Variants in PCDHA8 observed in about 807,000 individuals in gnomAD.
The protein encoded by PCDHA8 is protocadherin alpha 8.
Under a neutral mutation model 61.8 loss-of-function variants are expected in PCDHA8, and 53 were observed. The observed-to-expected ratio is 0.86, with a 90% CI of 0.69 to 1.08. The LOEUF (loss-of-function observed/expected upper bound fraction) is 1.08, where lower values mean the gene tolerates loss of function less well. Ranked by LOEUF, PCDHA8 falls within the 50% of genes least tolerant of loss-of-function variation. PCDHA8 has a pLI of 0.00. For missense variants in PCDHA8, 1,293 were observed against 1,245.0 expected (o/e 1.04, Z -0.58); for synonymous variants, 618 against 556.6 (o/e 1.11, Z -1.55).
chr5:140,881,655 C>T (rs1336529643), intron 1 of PCDHA8, among the ~76,000 whole-genome samples: 1 of 152,120 alleles, frequency 6.6e-6, no homozygotes, highest in Non-Finnish European at 1.5e-5. Flanking sequence ...TCACCTTCAC[C>T]GATTTTATTC....
chr5:141,012,182 A>T lies in PCDHA8; in HGVS notation c.*2245A>T, dbSNP rs1334407628. On this transcript the variant is annotated 3_prime_UTR_variant, in exon 4 of 4. Coordinates refer to ENST00000531613, the MANE Select transcript of PCDHA8 (RefSeq NM_018911.3). ...CTAATTTATTAATGATGATAATTATAATGTATCTGTACAGCACTTTTTACA... is the reference window on the plus strand; with the variant it reads ...CTAATTTATTAATGATGATAATTATTATGTATCTGTACAGCACTTTTTACA... 6.5e-6 allele frequency: 1 copy of T among 153,776 alleles called. No homozygotes were observed. The highest frequency in any genetic ancestry group is 1.5e-5 in the Non-Finnish European group (1 of 68,050). 9.5% of individuals were successfully genotyped at this position (153,776 alleles called of 1,614,324 possible).
chr5:140,844,325 T>G (rs2150370543), intron 1 of PCDHA8, among the ~76,000 whole-genome samples: 1 of 149,576 alleles, frequency 6.7e-6, no homozygotes, highest in African/African-American at 2.4e-5. Context: ...AATTTTATTA[T>G]AAACTAGTTA....
chr5:140,876,585 G>T, intron 1 of PCDHA8: 5 of 1,614,202 alleles, frequency 3.1e-6, no homozygotes, highest in Non-Finnish European at 4.2e-6. Context: ...TCATTGCCCT[G>T]ATTAGCGTGT....
Position 140,861,683 on chromosome 5 carries a change from C to G in PCDHA8, c.2394+17968C>G, listed in dbSNP as rs1386318519. ...GAGAGCTCTTGATTATCGTGTTTCA[C>G]TAGAGGGTGTCTGTGATGCCGACGT... On this transcript the variant is annotated intron_variant, in intron 1 of 3. Coordinates refer to ENST00000531613, the MANE Select transcript of PCDHA8 (RefSeq NM_018911.3). 2.1e-5 allele frequency: 5 copies of G among 233,410 alleles called. No homozygotes were observed. The East Asian group carries it at 3.6e-4, about 17-fold the overall frequency. 14.5% of individuals were successfully genotyped at this position (233,410 alleles called of 1,614,324 possible).
intron 1 of PCDHA8, among the ~76,000 whole-genome samples, chr5:140,909,407 T>C (rs1004172644): frequency 3.3e-5 from 5 of 152,172 alleles, no homozygotes; most frequent in Non-Finnish European, 7.3e-5. Context: ...GCAATTGCAG[T>C]TACCATTTGG....
chr5:140,972,910 C>G (rs2096563603), intron 1 of PCDHA8, among the ~76,000 whole-genome samples: 1 of 152,054 alleles, frequency 6.6e-6, no homozygotes, highest in Non-Finnish European at 1.5e-5. Flanking sequence ...GATCCACCCG[C>G]CTTGGCCTCC....
At chr5:140,881,454 C>A in intron 1 of PCDHA8, 1 of 705,924 alleles carries the variant, frequency 1.4e-6, no homozygotes, top group Non-Finnish European at 1.7e-6. Context: ...AATCCAAAAC[C>A]TTAGAGCATT....
In PCDHA8 at chr5:140,841,547, G is replaced by T; in HGVS notation, c.226G>T (p.Glu76Ter). The T allele has an allele frequency of 6.2e-7, 1 of 1,613,802 alleles. No homozygotes were observed. Among genetic ancestry groups the T allele is most frequent in the Non-Finnish European group, 8.5e-7 (1 of 1,179,988 alleles). ...GTCCAAAAGACACCGGGACCTTCTG[G>T]AGGTAAGTCTGCAGAATGGCATTTT... ...VASKRHRDLL[E>*]VSLQNGILFV... The change falls in exon 1 of 4, where the codon GAG becomes TAG. Residue 76 changes from glutamate to a stop codon, truncating the protein, a stop_gained. Coordinates refer to ENST00000531613, the MANE Select transcript of PCDHA8 (RefSeq NM_018911.3). LOFTEE classifies it high-confidence loss of function.
Position 140,841,931 on chromosome 5 carries a change from G to T in PCDHA8, c.610G>T (p.Asp204Tyr), listed in dbSNP as rs1554138650. ...LVLRKSLDRE[D>Y]APAHHLFLTA... ...ATTAAGAAAATCCTTGGACAGAGAG[G>T]ACGCTCCTGCGCACCACTTATTCCT... The change falls in exon 1 of 4, where the codon GAC (aspartate) becomes TAC (tyrosine). Residue 204 changes from aspartate to tyrosine, a missense_variant. Asp to Tyr is a radical substitution (Grantham distance 160, BLOSUM62 -3). Coordinates refer to ENST00000531613, the MANE Select transcript of PCDHA8 (RefSeq NM_018911.3). The T allele has an allele frequency of 4.3e-6, 7 of 1,613,782 alleles. No homozygotes were observed. In the African/African-American group the frequency reaches 9.4e-5, roughly 22 times the overall value.
At chr5:140,880,586 G>C (rs1212732393) in intron 1 of PCDHA8, among the ~76,000 whole-genome samples, 1 of 152,206 alleles carries the variant, frequency 6.6e-6, no homozygotes, top group African/African-American at 2.4e-5. Context: ...AGAGGAAAGA[G>C]AATATGGAAG....
rs529251467 is a variant in PCDHA8 at position 140,953,424 on chromosome 5, T to C, written c.2395-25525T>C. The stretch of plus-strand genomic sequence containing the variant: ...TGTTGCTCCTGGCTCCTCCCCTTTG[T>C]CCTTAAGCTGGAGAAACTAGGGATT... On this transcript the variant is annotated intron_variant, in intron 1 of 3. Transcript: ENST00000531613. 2.6e-5 allele frequency among the ~76,000 whole-genome samples: 4 copies of C among 152,230 alleles called. No individual in the cohort carries two copies. In the East Asian group the frequency reaches 7.7e-4, roughly 29 times the overall value.
intron 1 of PCDHA8, among the ~76,000 whole-genome samples, chr5:140,905,954 C>G (rs1297429672): frequency 6.6e-6 from 1 of 152,158 alleles, no homozygotes; most frequent in Non-Finnish European, 1.5e-5. Context: ...ATCCGATGTT[C>G]AAGGGGAGGA....
At chr5:140,901,599 A>G (rs1196199794) in intron 1 of PCDHA8, among the ~76,000 whole-genome samples, 2 of 152,132 alleles carry the variant, frequency 1.3e-5, no homozygotes, top group South Asian at 2.1e-4. Flanking sequence ...TTTGGTTACT[A>G]TATCTCTATG....
At chr5:140,956,622 C>T (rs1438482570) in intron 1 of PCDHA8, among the ~76,000 whole-genome samples, 2 of 152,008 alleles carry the variant, frequency 1.3e-5, no homozygotes, top group African/African-American at 4.8e-5. Context: ...CTTTTTGTTG[C>T]ATCTCTGCCA....
chr5:140,962,920 T>C (rs2095718930), intron 1 of PCDHA8, among the ~76,000 whole-genome samples: 1 of 152,186 alleles, frequency 6.6e-6, no homozygotes, highest in South Asian at 2.1e-4. Context: ...ATTTGACAGA[T>C]ACTTCTCAAC....
chr5:140,862,997 G>T, intron 1 of PCDHA8: 1 of 549,924 alleles, frequency 1.8e-6, no homozygotes, highest in Non-Finnish European at 3.6e-6. Context: ...GCGCACGGTG[G>T]ACTCCAGCTA....
chr5:140,876,286 G>C (rs782471001), intron 1 of PCDHA8: 14 of 1,614,040 alleles, frequency 8.7e-6, no homozygotes, highest in Non-Finnish European at 1.0e-5. Context: ...TCCAGACGAA[G>C]GACTTAATGG....
chr5:140,875,982 T>C (rs782696437), intron 1 of PCDHA8: 8 of 1,613,890 alleles, frequency 5.0e-6, no homozygotes, highest in Middle Eastern at 1.6e-4. Context: ...TTTTGACCTA[T>C]GCGTTAAGTC....
intron 1 of PCDHA8, chr5:140,853,093 A>T (rs1554146395): frequency 9.0e-6 from 3 of 333,900 alleles, no homozygotes; most frequent in Non-Finnish European, 1.3e-5. Context: ...GTTAGTCAGG[A>T]TGGTCTCGAT....
Sources: allele counts gnomAD v4.1 joint callset (sites outside exome capture counted in the v4.1 genomes callset), GRCh38; gene constraint gnomAD v4.1.1; transcripts MANE v1.5; gene names NCBI Gene and HGNC (gene_info 2026-07-23, HGNC 2026-07-21).